Variants in NDFIP1 observed in about 807,000 individuals in gnomAD.
NDFIP1 encodes the protein NEDD4 family-interacting protein 1.
A neutral mutation model predicts 28.8 loss-of-function variants in NDFIP1; 7 were observed. The ratio of observed to expected loss-of-function variants is 0.24; its 90% confidence interval spans 0.14 to 0.46. The LOEUF (loss-of-function observed/expected upper bound fraction) is 0.46, where lower values mean the gene tolerates loss of function less well. Ranked by LOEUF, NDFIP1 falls within the 20% of genes least tolerant of loss-of-function variation. The pLI, the probability that NDFIP1 is intolerant of heterozygous loss-of-function variation, is 0.99. For synonymous variants in NDFIP1, 92 were observed against 101.0 expected, an observed-to-expected ratio of 0.91 and a Z score of 0.53; for missense variants, 194 against 269.1, an observed-to-expected ratio of 0.72 and a Z score of 1.95.
At chr5:142,141,184 T>G (rs2126921352) in intron 6 of NDFIP1, among the ~76,000 whole-genome samples, 1 of 140,802 alleles carries the variant, frequency 7.1e-6, no homozygotes, top group South Asian at 2.4e-4. Context: ...TTTTTTTTTT[T>G]TTTTTTTTTT....
rs748046086 is a variant in NDFIP1 at position 142,127,000 on chromosome 5, C to T, written c.64-4808C>T. Among the ~76,000 whole-genome samples, 279 of 149,162 alleles carry T rather than the reference C, an allele frequency of 1.9e-3. 2 individuals carry two copies. Among genetic ancestry groups the T allele is most frequent in the Admixed American group, 2.7e-3 (40 of 14,924 alleles). On this transcript the variant is annotated intron_variant, in intron 1 of 7. Coordinates refer to ENST00000253814, the MANE Select transcript of NDFIP1 (RefSeq NM_030571.4). ...AAGGTGATAAGGAGGGAAAAAAAAA[C>T]GCTCTATTTTATTTTATTTATTTAT...
intron 6 of NDFIP1, among the ~76,000 whole-genome samples, chr5:142,140,956 C>T (rs1460663641): frequency 6.6e-6 from 1 of 152,098 alleles, no homozygotes; most frequent in Non-Finnish European, 1.5e-5. Context: ...ACAGCATTCA[C>T]AGACTCAAAC....
At position 142,137,776 on chromosome 5, in the gene NDFIP1, G is replaced by T; in HGVS notation, c.413G>T (p.Cys138Phe). The T allele has an allele frequency of 6.2e-7, 1 of 1,614,012 alleles. No homozygotes were observed. ...TGGATTGGGTTTTTCCTGTCTTTTTGCCTGACCACTTCAGCTGCAGGAAGG... is the reference window on the plus strand; with the variant it reads ...TGGATTGGGTTTTTCCTGTCTTTTTTCCTGACCACTTCAGCTGCAGGAAGG... ...FNWIGFFLSF[C>F]LTTSAAGRYG... Residue 138 changes from cysteine to phenylalanine, a missense_variant, in exon 5 of 8, where the codon TGC becomes TTC. Cys to Phe is a radical substitution (Grantham distance 205, BLOSUM62 -2). Coordinates refer to ENST00000253814, the MANE Select transcript of NDFIP1 (RefSeq NM_030571.4).
intron 7 of NDFIP1, 39 bp downstream of exon 7, chr5:142,144,715 A>G: frequency 1.6e-6 from 2 of 1,254,028 alleles, no homozygotes; most frequent in Non-Finnish European, 2.3e-6. Flanking sequence ...CAGTGTAACC[A>G]TGTGCTACAT....
intron 4 of NDFIP1, among the ~76,000 whole-genome samples, chr5:142,136,058 A>C (rs775305841): frequency 1.3e-5 from 2 of 152,166 alleles, no homozygotes; most frequent in Non-Finnish European, 2.9e-5. Context: ...AGGATGCTGC[A>C]TTTTTACATG....
intron 1 of NDFIP1, among the ~76,000 whole-genome samples, chr5:142,119,246 C>G (rs1757098682): frequency 6.6e-6 from 1 of 152,214 alleles, no homozygotes; most frequent in South Asian, 2.1e-4. Flanking sequence ...AAACCTGGCT[C>G]ACTTCCACCA....
In NDFIP1 at chr5:142,135,794, G is replaced by C; in HGVS notation, c.347G>C (p.Gly116Ala). 1 of 1,613,392 alleles carries C rather than the reference G, an allele frequency of 6.2e-7. No individual in the cohort carries two copies. Among genetic ancestry groups the C allele is most frequent in the Non-Finnish European group, 8.5e-7 (1 of 1,179,640 alleles). Residue 116 changes from glycine to alanine, a missense_variant, in exon 4 of 8, where the codon GGG (glycine) becomes GCG (alanine). Physicochemically the swap from Gly to Ala is moderately conservative, Grantham distance 60. Coordinates refer to ENST00000253814, the MANE Select transcript of NDFIP1 (RefSeq NM_030571.4). The stretch of plus-strand genomic sequence containing the variant: ...GACCAGCTGAGGATAGGAAATGATG[G>C]GATTTTCATGTTAACTTTTTTCAGT... ...DADQLRIGND[G>A]IFMLTFFMAF...
chr5:142,117,488 G>A (rs1228241600), intron 1 of NDFIP1, among the ~76,000 whole-genome samples: 1 of 151,260 alleles, frequency 6.6e-6, no homozygotes, highest in African/African-American at 2.4e-5. Context: ...TGATCCACCC[G>A]CCTCCATCTC....
chr5:142,140,448 C>CAAAAA, intron 5 of NDFIP1, 115 bp from the exon 6 acceptor site: 2 of 516,148 alleles, frequency 3.9e-6, no homozygotes, highest in East Asian at 4.5e-5. Context: ...AACTCCGTCT[C>CAAAAA]AAAAAAAAAA....
chr5:142,140,636 G>GTTTT lies in NDFIP1; in HGVS notation c.562+9_562+12dup, dbSNP rs748586118. The GTTTT allele has an allele frequency of 5.4e-5, 87 of 1,603,226 alleles. No homozygotes were observed. The highest frequency in any genetic ancestry group is 7.1e-5 in the Non-Finnish European group (83 of 1,175,682). ...TGGGTGTTCCTTGTTTTAGGTAAGT[G>GTTTT]TTTTTAATGTAAGAAAAGGCAAGAA... On this transcript the variant is annotated splice_region_variant and intron_variant, in intron 6 of 7. Coordinates refer to ENST00000253814, the MANE Select transcript of NDFIP1 (RefSeq NM_030571.4).
intron 1 of NDFIP1, among the ~76,000 whole-genome samples, chr5:142,111,004 A>C (rs1351764012): frequency 6.6e-6 from 1 of 152,090 alleles, no homozygotes; most frequent in Non-Finnish European, 1.5e-5. Flanking sequence ...CCTACTTAAA[A>C]CACAGGCTCA....
At chr5:142,128,712 T>C (rs1336967398) in intron 1 of NDFIP1, among the ~76,000 whole-genome samples, 2 of 152,192 alleles carry the variant, frequency 1.3e-5, no homozygotes, top group African/African-American at 4.8e-5. Context: ...GATTATACCA[T>C]AGTCATAATG....
rs117270581 is a variant in NDFIP1 at position 142,113,199 on chromosome 5, T to C, written c.63+4162T>C. Reference sequence around the variant, plus strand: ...TGAGCATCACCAATACTCTGTATGATAGTTTGATGACATTATAGTGCAGAT... The same window carrying C: ...TGAGCATCACCAATACTCTGTATGACAGTTTGATGACATTATAGTGCAGAT... On this transcript the variant is annotated intron_variant, in intron 1 of 7. Transcript: ENST00000253814. 5.8e-3 allele frequency among the ~76,000 whole-genome samples: 886 copies of C among 152,354 alleles called. 6 individuals carry two copies. The highest frequency in any genetic ancestry group is 0.017 in the Middle Eastern group (5 of 294).
chr5:142,114,514 AT>A (rs1187074905), intron 1 of NDFIP1, among the ~76,000 whole-genome samples: 1 of 152,238 alleles, frequency 6.6e-6, no homozygotes, highest in African/African-American at 2.4e-5. Flanking sequence ...AGTGTAAGAA[AT>A]TTTATGTACC....
intron 7 of NDFIP1, among the ~76,000 whole-genome samples, chr5:142,150,049 C>T (rs924819265): frequency 1.2e-4 from 18 of 151,968 alleles, no homozygotes; most frequent in African/African-American, 2.4e-4. Context: ...GGTGTGGTGG[C>T]GGGCGCCTGT....
intron 1 of NDFIP1, among the ~76,000 whole-genome samples, chr5:142,111,569 A>T (rs777450706): frequency 1.3e-5 from 2 of 152,190 alleles, no homozygotes; most frequent in African/African-American, 4.8e-5. Flanking sequence ...TAGGAGCATG[A>T]TACTCTTTGG....
intron 1 of NDFIP1, among the ~76,000 whole-genome samples, chr5:142,116,868 G>A (rs779003009): frequency 1.3e-5 from 2 of 151,714 alleles, no homozygotes; most frequent in Non-Finnish European, 2.9e-5. Context: ...ATGCCACCAC[G>A]CCTGGCTAAT....
intron 1 of NDFIP1, among the ~76,000 whole-genome samples, chr5:142,122,398 A>T (rs1398898049): frequency 2.0e-5 from 3 of 152,292 alleles, no homozygotes; most frequent in African/African-American, 2.4e-5. Flanking sequence ...CAATTTATTT[A>T]CCTATTCTAC....
intron 6 of NDFIP1, among the ~76,000 whole-genome samples, chr5:142,142,513 A>G (rs911671441): frequency 6.6e-6 from 1 of 152,170 alleles, no homozygotes; most frequent in Non-Finnish European, 1.5e-5. Flanking sequence ...TTGATTGCTT[A>G]TGGCATAAAT....
Sources: gnomAD v4.1 joint callset for allele counts (sites outside exome capture counted in the v4.1 genomes callset) on GRCh38, gnomAD v4.1.1 for gene constraint, MANE v1.5 for transcripts, NCBI Gene and HGNC (gene_info 2026-07-23, HGNC 2026-07-21) for gene names.